The following IQCM variants were observed in gnomAD, a reference collection of about 807,000 sequenced individuals.
The protein encoded by IQCM is IQ motif containing M, also known as IQ domain-containing protein M.
Under a neutral mutation model 57.6 loss-of-function variants are expected in IQCM, and 45 were observed. That is an observed-to-expected ratio of 0.78 (90% CI 0.62 to 1.00). The LOEUF (loss-of-function observed/expected upper bound fraction) is 1.00, where lower values mean the gene tolerates loss of function less well. Ranked by LOEUF, IQCM falls within the 50% of genes least tolerant of loss-of-function variation. The pLI is 0.00. For missense variants in IQCM, 468 were observed against 511.6 expected, an observed-to-expected ratio of 0.91 and a Z score of 0.82; for synonymous variants, 148 against 158.9, an observed-to-expected ratio of 0.93 and a Z score of 0.51.
intron 13 of IQCM, among the ~76,000 whole-genome samples, chr4:149,357,777 A>G (rs1035063192): frequency 6.6e-6 from 1 of 152,048 alleles, no homozygotes; most frequent in Non-Finnish European, 1.5e-5. Flanking sequence ...GTTAGGGAGG[A>G]TTCCCTCTTT....
chr4:149,393,664 A>G (rs1424947630), intron 13 of IQCM, among the ~76,000 whole-genome samples: 2 of 152,008 alleles, frequency 1.3e-5, no homozygotes, highest in Non-Finnish European at 2.9e-5. Flanking sequence ...AGTTACAACA[A>G]AAACGGCGGC....
At chr4:149,516,008 C>T (rs949688128) in intron 12 of IQCM, among the ~76,000 whole-genome samples, 5 of 152,160 alleles carry the variant, frequency 3.3e-5, no homozygotes, top group Non-Finnish European at 7.3e-5. Flanking sequence ...CCTGTCATTG[C>T]CCAGTGGGCC....
intron 12 of IQCM, among the ~76,000 whole-genome samples, chr4:149,525,925 C>T (rs1459678287): frequency 1.3e-5 from 2 of 151,494 alleles, no homozygotes; most frequent in Admixed American, 6.6e-5. Context: ...AAAAAATAGA[C>T]AAAAATTATA....
chr4:149,551,921 C>T (rs775852380), intron 11 of IQCM, among the ~76,000 whole-genome samples: 7 of 152,050 alleles, frequency 4.6e-5, no homozygotes, highest in Non-Finnish European at 1.0e-4. Flanking sequence ...TTTCTTCTTC[C>T]TGTCTTCCCA....
chr4:149,407,669 G>A (rs1733081328), intron 13 of IQCM, among the ~76,000 whole-genome samples: 2 of 152,096 alleles, frequency 1.3e-5, no homozygotes, highest in Non-Finnish European at 2.9e-5. Flanking sequence ...TGTTATGCCT[G>A]AGTTGTATTA....
chr4:149,522,615 G>T (rs1745766476), intron 12 of IQCM, among the ~76,000 whole-genome samples: 1 of 151,994 alleles, frequency 6.6e-6, no homozygotes, highest in Admixed American at 6.6e-5. Flanking sequence ...AGACATAGAG[G>T]GGGAAAAAGT....
At chr4:149,666,407 C>T (rs1468411735) in intron 7 of IQCM, among the ~76,000 whole-genome samples, 3 of 152,124 alleles carry the variant, frequency 2.0e-5, no homozygotes, top group Admixed American at 6.5e-5. Context: ...AGATACTACG[C>T]TTTTCCCATG....
intron 3 of IQCM, among the ~76,000 whole-genome samples, chr4:149,741,285 T>C (rs996160583): frequency 2.6e-5 from 4 of 152,136 alleles, no homozygotes; most frequent in African/African-American, 9.7e-5. Flanking sequence ...TCCTGCCTTA[T>C]TTGCACCAAG....
At position 149,517,875 on chromosome 4, in the gene IQCM, C is replaced by T. The variant is rs564701480; in HGVS notation, c.1228+30580G>A. Among the ~76,000 whole-genome samples the T allele has an allele frequency of 2.1e-3, 314 of 152,282 alleles. 4 individuals are homozygous for T. The highest frequency in any genetic ancestry group is 7.2e-3 in the African/African-American group (301 of 41,556). On this transcript the variant is annotated intron_variant, in intron 12 of 13. Coordinates refer to ENST00000636793, the MANE Select transcript of IQCM (RefSeq NM_001363507.2). ...TCAGCTTTGGGACTTGGACTGGCTTCCTTGCTCCTCAGCTTGTAGATGGCC... is the reference window on the plus strand; with the variant it reads ...TCAGCTTTGGGACTTGGACTGGCTTTCTTGCTCCTCAGCTTGTAGATGGCC...
intron 13 of IQCM, among the ~76,000 whole-genome samples, chr4:149,411,112 T>C (rs1260679849): frequency 6.6e-6 from 1 of 152,114 alleles, no homozygotes; most frequent in Admixed American, 6.5e-5. Context: ...AAATCACCTA[T>C]TACATCATAG....
chr4:149,733,567 T>C, intron 4 of IQCM, 59 bp from the exon 5 acceptor site: 1 of 827,480 alleles, frequency 1.2e-6, no homozygotes, highest in Non-Finnish European at 1.6e-6. Flanking sequence ...CATTATTTAA[T>C]AAAGTTATAT....
At chr4:149,491,476 C>T (rs969190880) in intron 12 of IQCM, among the ~76,000 whole-genome samples, 1 of 152,048 alleles carries the variant, frequency 6.6e-6, no homozygotes, top group South Asian at 2.1e-4. Context: ...TGAGTACAAC[C>T]TTTTCAGATT....
At chr4:149,812,886 C>T (rs1580360861) in intron 2 of IQCM, among the ~76,000 whole-genome samples, 1 of 152,218 alleles carries the variant, frequency 6.6e-6, no homozygotes, top group East Asian at 1.9e-4. Flanking sequence ...ATGATAAAAG[C>T]CTCTAGCATT....
At chr4:149,753,890 G>A (rs1174580061) in intron 2 of IQCM, among the ~76,000 whole-genome samples, 1 of 151,824 alleles carries the variant, frequency 6.6e-6, no homozygotes, top group African/African-American at 2.4e-5. Context: ...TCAATCTAGA[G>A]ATTAAAAGTA....
intron 13 of IQCM, among the ~76,000 whole-genome samples, chr4:149,354,972 C>A (rs1287969508): frequency 3.3e-5 from 5 of 152,008 alleles, no homozygotes; most frequent in Non-Finnish European, 5.9e-5. Flanking sequence ...CTTCTGTAAA[C>A]CAATATTTCT....
chr4:149,455,501 C>T (rs1215814209), intron 12 of IQCM, among the ~76,000 whole-genome samples: 2 of 152,070 alleles, frequency 1.3e-5, no homozygotes, highest in African/African-American at 4.8e-5. Context: ...GACATGAGGA[C>T]ATGAAGACAT....
chr4:149,400,208 T>C (rs1560804468), intron 13 of IQCM, among the ~76,000 whole-genome samples: 2 of 152,034 alleles, frequency 1.3e-5, no homozygotes, highest in African/African-American at 2.4e-5. Context: ...AATAGGTTTT[T>C]TTTTTTTGTT....
chr4:149,715,336 TG>T (rs1764901577), intron 5 of IQCM, among the ~76,000 whole-genome samples: 1 of 151,948 alleles, frequency 6.6e-6, no homozygotes, highest in South Asian at 2.1e-4. Flanking sequence ...TGTGGAGGGG[TG>T]GCCAGCTCCC....
At chr4:149,380,595 A>G (rs1731010397) in intron 13 of IQCM, among the ~76,000 whole-genome samples, 1 of 152,220 alleles carries the variant, frequency 6.6e-6, no homozygotes, top group Non-Finnish European at 1.5e-5. Flanking sequence ...AAGAGGGTCA[A>G]TTAGCTGTTG....
Sources: allele counts gnomAD v4.1 joint callset (sites outside exome capture counted in the v4.1 genomes callset), GRCh38; gene constraint gnomAD v4.1.1; transcripts MANE v1.5; gene names NCBI Gene and HGNC (gene_info 2026-07-23, HGNC 2026-07-21).